The following CYP4F3 variants were observed in gnomAD, a reference collection of about 807,000 sequenced individuals.
CYP4F3 encodes the protein cytochrome P450 4F3.
CYP4F3 carries 50 observed loss-of-function variants against 54.8 expected under a neutral mutation model. The observed-to-expected ratio is 0.91, with a 90% CI of 0.73 to 1.16. The LOEUF (loss-of-function observed/expected upper bound fraction) is 1.16, where lower values mean the gene tolerates loss of function less well. CYP4F3 is among the 50% of genes most tolerant of loss of function. The probability of loss-of-function intolerance (pLI) is 0.00; values close to 1 mark genes in which losing one functional copy is unlikely to be tolerated. For synonymous variants in CYP4F3, 244 were observed against 262.6 expected (o/e 0.93, Z 0.69); for missense variants, 715 against 676.2 (o/e 1.06, Z -0.64).
intron 5 of CYP4F3, among the ~76,000 whole-genome samples, chr19:15,648,642 C>G (rs558363295): frequency 2.6e-5 from 4 of 152,070 alleles, no homozygotes; most frequent in Admixed American, 6.6e-5. Context: ...AGAAAAAATG[C>G]CATGTGCCCA....
intron 7 of CYP4F3, among the ~76,000 whole-genome samples, chr19:15,650,703 T>C (rs1486403259): frequency 1.1e-5 from 1 of 87,044 alleles, no homozygotes; most frequent in Non-Finnish European, 2.1e-5. Context: ...TTTCTTTCTT[T>C]CTTTCTTTCT....
chr19:15,650,759 T>C (rs1449065929), intron 7 of CYP4F3, among the ~76,000 whole-genome samples: 2 of 145,046 alleles, frequency 1.4e-5, no homozygotes, highest in Admixed American at 6.9e-5. Flanking sequence ...CCATCTTTCT[T>C]TCTTTCTTTT....
intron 3 of CYP4F3, 139 bp from the exon 4 acceptor site, chr19:15,646,913 T>A: frequency 1.6e-6 from 2 of 1,265,378 alleles, no homozygotes; most frequent in Non-Finnish European, 2.2e-6. Flanking sequence ...CCTGCCTTCT[T>A]CCTCTCCCCT....
chr19:15,646,545 C>A (rs1972630494), intron 3 of CYP4F3, among the ~76,000 whole-genome samples: 1 of 152,154 alleles, frequency 6.6e-6, no homozygotes. Flanking sequence ...TCATGTTAGA[C>A]CATCTCATGT....
intron 2 of CYP4F3, among the ~76,000 whole-genome samples, 189 bp from the exon 3 acceptor site, chr19:15,645,530 G>C (rs1972597042): frequency 6.6e-6 from 1 of 152,224 alleles, no homozygotes; most frequent in Non-Finnish European, 1.5e-5. Context: ...TTTTCTGTCT[G>C]TGTAACTGAA....
At chr19:15,655,228 C>A (rs908381555) in intron 9 of CYP4F3, among the ~76,000 whole-genome samples, 1 of 152,050 alleles carries the variant, frequency 6.6e-6, no homozygotes, top group Admixed American at 6.6e-5. Context: ...TATTTGGTTA[C>A]TTTTCCTATT....
rs1413244768 is a variant in CYP4F3, at chr19:15,658,350, G to C, written c.1202G>C (p.Cys401Ser). 3.7e-6 allele frequency: 6 copies of C among 1,614,150 alleles called. No individual in the cohort carries two copies. The highest frequency in any genetic ancestry group is 5.1e-6 in the Non-Finnish European group (6 of 1,180,022). The stretch of plus-strand genomic sequence containing the variant: ...CCCCCAGTCCCTGCCGTCTCTCGCT[G>C]CTGCACCCAAGACATTGTGCTCCCA... ...LHPPVPAVSR[C>S]CTQDIVLPDG... Residue 401 changes from cysteine to serine, a missense_variant, in exon 10 of 13, where the codon TGC (cysteine) becomes TCC (serine). Coordinates refer to ENST00000221307, the MANE Select transcript of CYP4F3 (RefSeq NM_000896.3).
intron 5 of CYP4F3, among the ~76,000 whole-genome samples, chr19:15,648,386 C>G (rs1390180983): frequency 6.6e-6 from 1 of 151,814 alleles, no homozygotes; most frequent in Non-Finnish European, 1.5e-5. Flanking sequence ...GCTTAGGAAT[C>G]TGTTTTTATA....
At chr19:15,643,964 C>G (rs780685387) in intron 2 of CYP4F3, 11 of 1,606,694 alleles carry the variant, frequency 6.8e-6, no homozygotes, top group Non-Finnish European at 9.3e-6. Flanking sequence ...CACCTACCCC[C>G]AGGGCTTTAA....
At chr19:15,650,906 G>A (rs1191111653) in intron 7 of CYP4F3, among the ~76,000 whole-genome samples, 4 of 111,626 alleles carry the variant, frequency 3.6e-5, no homozygotes, top group Non-Finnish European at 6.9e-5. Context: ...ACGGAGTCTC[G>A]CTCTATCACC....
chr19:15,641,154 G>A (rs1456364493), intron 1 of CYP4F3: 1 of 485,504 alleles, frequency 2.1e-6, no homozygotes, highest in African/African-American at 1.9e-5. Flanking sequence ...TAATGATTCA[G>A]GCTGGGCCTT....
chr19:15,644,190 C>A (rs1972558331), intron 2 of CYP4F3: 2 of 1,117,292 alleles, frequency 1.8e-6, no homozygotes, highest in East Asian at 3.0e-5. Context: ...ATCTTTCTTT[C>A]ATGTATTCAC....
At chr19:15,651,995 C>T (rs944576747) in intron 7 of CYP4F3, among the ~76,000 whole-genome samples, 5 of 152,058 alleles carry the variant, frequency 3.3e-5, no homozygotes, top group Non-Finnish European at 5.9e-5. Flanking sequence ...TTCCCCTGTA[C>T]GTGCAGCAGA....
rs1479896786 is a variant in CYP4F3, at chr19:15,645,793, G to C, written c.273G>C (p.Trp91Cys). The stretch of plus-strand genomic sequence containing the variant: ...CCTTCGGTGATATGTGCTGCTGGTG[G>C]GTGGGGCCCTGGCACGCAATCGTCC... ...ACTFGDMCCW[W>C]VGPWHAIVRI... Residue 91 changes from tryptophan to cysteine, a missense_variant, in exon 3 of 13, where the codon TGG (tryptophan) becomes TGC (cysteine). Coordinates refer to ENST00000221307, the MANE Select transcript of CYP4F3 (RefSeq NM_000896.3). The C allele has an allele frequency of 6.2e-7, 1 of 1,614,032 alleles. No individual in the cohort carries two copies. The highest frequency in any genetic ancestry group is 8.5e-7 in the Non-Finnish European group (1 of 1,179,984).
intron 9 of CYP4F3, 68 bp from the exon 10 acceptor site, chr19:15,658,196 A>G (rs1017321348): frequency 1.6e-5 from 26 of 1,581,160 alleles, no homozygotes; most frequent in African/African-American, 6.9e-5. Context: ...TCACTTGCAA[A>G]CAGAGAGAAG....
At chr19:15,652,000 A>T (rs1040596144) in intron 7 of CYP4F3, among the ~76,000 whole-genome samples, 4 of 152,192 alleles carry the variant, frequency 2.6e-5, no homozygotes, top group Non-Finnish European at 4.4e-5. Flanking sequence ...CTGTACGTGC[A>T]GCAGACTTTG....
chr19:15,643,066 T>A (rs929638500), intron 2 of CYP4F3, among the ~76,000 whole-genome samples: 2 of 149,980 alleles, frequency 1.3e-5, no homozygotes, highest in African/African-American at 4.9e-5. Flanking sequence ...AGTGGATGAA[T>A]GTACAGATAA....
At position 15,645,908 on chromosome 19, in the gene CYP4F3, C is replaced by A. The variant is rs200532066; in HGVS notation, c.343+45C>A. The stretch of plus-strand genomic sequence containing the variant: ...CTCCAGGTAGACACTGCACTGGCCA[C>A]GCCTTGCCCACAGCTGGGGTCTCTG... On this transcript the variant is annotated intron_variant, in intron 3 of 12. Transcript: ENST00000221307. 11 of 1,528,104 alleles carry A rather than the reference C, an allele frequency of 7.2e-6. No individual in the cohort carries two copies. In the South Asian group the frequency reaches 1.4e-4, roughly 19 times the overall value. 94.7% of individuals were successfully genotyped at this position (1,528,104 alleles called of 1,614,324 possible). A position where few individuals can be genotyped will look rare whatever the true frequency, so the allele number is the denominator to read the frequency against.
rs1050121279 is a variant in CYP4F3, at chr19:15,645,845, C to T, written c.325C>T (p.Pro109Ser). 2 of 1,610,804 alleles carry T rather than the reference C, an allele frequency of 1.2e-6. No homozygotes were observed. Among genetic ancestry groups the T allele is most frequent in the African/African-American group, 1.3e-5 (1 of 74,920 alleles). ...VRIFHPTYIK[P>S]VLFAPAAIVP... is the part of the protein sequence containing the mutation. Reference sequence around the variant, plus strand: ...CATCTTCCACCCCACCTACATCAAGCCTGTGCTCTTTGCTCCAGGTAGACA... The same window carrying T: ...CATCTTCCACCCCACCTACATCAAGTCTGTGCTCTTTGCTCCAGGTAGACA... The change falls in exon 3 of 13, where the codon CCT becomes TCT. Residue 109 changes from proline (P) to serine (S), a missense_variant. By Grantham distance (74) the Pro-to-Ser change is moderately conservative. Coordinates refer to ENST00000221307, the MANE Select transcript of CYP4F3 (RefSeq NM_000896.3).
Sources: gnomAD v4.1 joint callset for allele counts (sites outside exome capture counted in the v4.1 genomes callset) on GRCh38, gnomAD v4.1.1 for gene constraint, MANE v1.5 for transcripts, NCBI Gene and HGNC (gene_info 2026-07-23, HGNC 2026-07-21) for gene names.